Variants in TJP2 observed in about 807,000 individuals in gnomAD.
TJP2 encodes Friedreich ataxia region gene X104 (tight junction protein ZO-2).
A neutral mutation model predicts 133.1 loss-of-function variants in TJP2; 91 were observed. The ratio of observed to expected loss-of-function variants is 0.68; its 90% CI spans 0.58 to 0.81. TJP2 has a LOEUF of 0.81. TJP2 is among the 40% of genes least tolerant of loss of function. The pLI is 0.00. For synonymous variants in TJP2, 592 were observed against 583.4 expected, an observed-to-expected ratio of 1.01 and a Z score of -0.21; for missense variants, 1,541 against 1,565.6, an observed-to-expected ratio of 0.98 and a Z score of 0.26.
intron 1 of TJP2, among the ~76,000 whole-genome samples, chr9:69,177,273 T>C (rs1218466575): frequency 1.3e-5 from 2 of 152,160 alleles, no homozygotes; most frequent in African/African-American, 2.4e-5. Flanking sequence ...CAGATGGGAG[T>C]GGAGGGAAGC....
At chr9:69,140,789 T>C (rs11145422) in intron 1 of TJP2, among the ~76,000 whole-genome samples, 26,965 of 152,184 alleles carry the variant, frequency 0.18, 2,478 homozygotes, top group Middle Eastern at 0.23. Flanking sequence ...GTAGGATCAA[T>C]TTCTACCAAC....
intron 9 of TJP2, among the ~76,000 whole-genome samples, chr9:69,228,332 A>C (rs1443374458): frequency 6.6e-6 from 1 of 152,230 alleles, no homozygotes; most frequent in Non-Finnish European, 1.5e-5. Flanking sequence ...TAGAGGTGGC[A>C]GTAACAGAAA....
chr9:69,213,911 T>C (rs1418799385), intron 2 of TJP2, among the ~76,000 whole-genome samples: 1 of 152,176 alleles, frequency 6.6e-6, no homozygotes, highest in African/African-American at 2.4e-5. Context: ...ACCCCCAACC[T>C]GTTTTGAGTT....
At position 69,251,111 on chromosome 9, in the gene TJP2, C is replaced by G. The variant is rs199767035; in HGVS notation, c.3068C>G (p.Ala1023Gly). 1.2e-6 allele frequency: 2 copies of G among 1,614,040 alleles called. No homozygotes were observed. Among genetic ancestry groups the G allele is most frequent in the East Asian group, 2.2e-5 (1 of 44,894 alleles). Residue 1023 changes from alanine (A) to glycine (G), a missense_variant, in exon 21 of 23, where the codon GCT (alanine) becomes GGT (glycine). Coordinates refer to ENST00000377245, the MANE Select transcript of TJP2 (RefSeq NM_004817.4). ...TATAAGTCAAACCCCTCTGCCGTTG[C>G]TGGTAATGAAACTCCTGGGGCATCT... ...YEYKSNPSAV[A>G]GNETPGASTK...
chr9:69,251,220 A>C lies in TJP2; in HGVS notation c.3177A>C (p.Gln1059His). Residue 1059 changes from glutamine (Q) to histidine (H), a missense_variant, in exon 21 of 23, where the codon CAA (glutamine) becomes CAC (histidine). By Grantham distance (24) the Gln-to-His change is conservative (BLOSUM62 0). Transcript: ENST00000377245. ...AGCCCTCCACTCCCATCCCTCCTCA[A>C]GAGGGTGAGGAGGTGGGAGAGAGCA... ...ILKPSTPIPP[Q>H]EGEEVGESSE... is the part of the protein sequence containing the mutation. 3.7e-6 allele frequency: 6 copies of C among 1,614,064 alleles called. No homozygotes were observed. Among genetic ancestry groups the C allele is most frequent in the Non-Finnish European group, 5.1e-6 (6 of 1,180,000 alleles).
chr9:69,207,796 C>T (rs1827552716), intron 1 of TJP2, among the ~76,000 whole-genome samples: 1 of 152,238 alleles, frequency 6.6e-6, no homozygotes, highest in South Asian at 2.1e-4. Flanking sequence ...AGGACCACAG[C>T]TCTCAGCTAA....
At chr9:69,160,750 C>T (rs191618877) in intron 2 of TJP2, among the ~76,000 whole-genome samples, 32 of 152,112 alleles carry the variant, frequency 2.1e-4, no homozygotes, top group African/African-American at 7.3e-4. Flanking sequence ...GGAGGCCTCA[C>T]AATCATGGCA....
chr9:69,216,510 G>A, intron 3 of TJP2, 47 bp downstream of exon 3: 1 of 1,607,330 alleles, frequency 6.2e-7, no homozygotes, highest in Non-Finnish European at 8.5e-7. Context: ...CCTACTGGTT[G>A]GCCCTAGACG....
chr9:69,247,684 AGT>A (rs1416122257), intron 18 of TJP2, among the ~76,000 whole-genome samples: 3 of 152,010 alleles, frequency 2.0e-5, no homozygotes, highest in African/African-American at 4.8e-5. Flanking sequence ...TTACTAGGAG[AGT>A]GGTACCAGGA....
rs897787162 is a variant in TJP2, at chr9:69,230,147, A to G, written c.1586A>G (p.Asn529Ser). 13 of 1,614,168 alleles carry G rather than the reference A, an allele frequency of 8.1e-6. No homozygotes were observed. Among genetic ancestry groups the G allele is most frequent in the East Asian group, 4.5e-5 (2 of 44,884 alleles). ...DSVGLRLAGG[N>S]DVGIFVAGIQ... is the part of the protein sequence containing the mutation. ...GTGGGCCTCCGGTTGGCTGGTGGCA[A>G]TGATGTCGGGATATTTGTTGCTGGC... Residue 529 changes from asparagine to serine, a missense_variant, in exon 11 of 23, where the codon AAT (asparagine) becomes AGT (serine). Physicochemically the swap from Asn to Ser is conservative, Grantham distance 46. Coordinates refer to ENST00000377245, the MANE Select transcript of TJP2 (RefSeq NM_004817.4).
At position 69,126,855 on chromosome 9, in the gene TJP2, T is replaced by C. The variant is rs1308167490; in HGVS notation, c.-131+5130T>C. Among the ~76,000 whole-genome samples, 11 of 77,596 alleles carry C rather than the reference T, an allele frequency of 1.4e-4. 5 individuals are homozygous for C. The allele number at this position is 77,596 out of a possible 152,430, so 50.9% of individuals were successfully genotyped here. ...TTACATTGAGATATAATTCACATAC[T>C]ATACAATTCACTTATTTAGTCTACA... is the stretch of plus-strand genomic sequence containing the variant. On this transcript the variant is annotated intron_variant, in intron 1 of 5. Transcript: ENST00000423935.
chr9:69,248,105 G>A lies in TJP2; in HGVS notation c.2761G>A (p.Asp921Asn), dbSNP rs780056811. ...YLSCDSRLIS[D>N]FEDTDGEGGA... ...GAGTTGCGACAGCCGCCTCATCAGTGACTTTGAAGACACGGACGGTGAAGG... is the reference window on the plus strand; with the variant it reads ...GAGTTGCGACAGCCGCCTCATCAGTAACTTTGAAGACACGGACGGTGAAGG... Residue 921 changes from aspartate to asparagine, a missense_variant, in exon 19 of 23, where the codon GAC (aspartate) becomes AAC (asparagine). Asp to Asn is a conservative substitution (Grantham distance 23). Coordinates refer to ENST00000377245, the MANE Select transcript of TJP2 (RefSeq NM_004817.4). 6.2e-7 allele frequency: 1 copy of A among 1,614,220 alleles called. No individual in the cohort carries two copies. The highest frequency in any genetic ancestry group is 8.5e-7 in the Non-Finnish European group (1 of 1,180,038).
intron 4 of TJP2, 124 bp downstream of exon 4, chr9:69,218,483 T>C: frequency 1.3e-6 from 1 of 752,068 alleles, no homozygotes; most frequent in Non-Finnish European, 2.4e-6. Flanking sequence ...TGTTCTTGGA[T>C]CCTCAGTACT....
intron 1 of TJP2, chr9:69,205,110 G>A (rs774890364): frequency 6.5e-7 from 1 of 1,535,222 alleles, no homozygotes; most frequent in Admixed American, 2.0e-5. Flanking sequence ...ATGGAAATGG[G>A]TGAGCAGCCC....
Position 69,249,453 on chromosome 9 carries a change from C to A in TJP2, c.2959C>A (p.Pro987Thr), listed in dbSNP as rs1831170101. 10 of 1,609,798 alleles carry A rather than the reference C, an allele frequency of 6.2e-6. No homozygotes were observed. Among genetic ancestry groups the A allele is most frequent in the Non-Finnish European group, 8.5e-6 (10 of 1,177,848 alleles). The change falls in exon 20 of 23, where the codon CCG becomes ACG. Residue 987 changes from proline (P) to threonine (T), a missense_variant. Physicochemically the swap from Pro to Thr is conservative, Grantham distance 38. Coordinates refer to ENST00000377245, the MANE Select transcript of TJP2 (RefSeq NM_004817.4). The part of the protein sequence containing the change: ...ASSDQLRDNS[P>T]PPAFKPEPPK... ...CAGCGATCAACTTAGGGACAATAGC[C>A]CGCCCCCAGCATTCAAGCCAGAGCC...
chr9:69,171,168 C>T (rs1463309032), upstream of TJP2, among the ~76,000 whole-genome samples: 1 of 152,188 alleles, frequency 6.6e-6, no homozygotes, highest in Non-Finnish European at 1.5e-5. Flanking sequence ...TTAAGTAAGC[C>T]AGAAACCTGA....
intron 1 of TJP2, among the ~76,000 whole-genome samples, chr9:69,193,154 G>A (rs1344425661): frequency 1.3e-5 from 2 of 152,034 alleles, no homozygotes; most frequent in African/African-American, 2.4e-5. Context: ...GAGCTCAGAC[G>A]ATTCACCCAC....
rs761272308 is a variant in TJP2, at chr9:69,254,323, C to G, written c.3522C>G (p.Ser1174=). The G allele has an allele frequency of 8.7e-6, 14 of 1,614,120 alleles. No individual in the cohort carries two copies. In the Admixed American group the frequency reaches 2.3e-4, roughly 27 times the overall value. ...EEYRQQLSEH[S]KRGYYGQSAR... ...ACCGCCAGCAGCTGTCAGAACACTC[C>G]AAGCGCGGTTACTATGGCCAGTCTG... The change falls in exon 23 of 23, where the codon TCC becomes TCG. Residue 1174 remains serine (S), a synonymous_variant. Coordinates refer to ENST00000377245, the MANE Select transcript of TJP2 (RefSeq NM_004817.4).
chr9:69,204,907 G>A, intron 1 of TJP2: 1 of 1,237,100 alleles, frequency 8.1e-7, no homozygotes, highest in Non-Finnish European at 1.0e-6. Context: ...TCCCTGGCAA[G>A]GGAGAGAGAG....
Sources: gnomAD v4.1 joint callset for allele counts (sites outside exome capture counted in the v4.1 genomes callset) on GRCh38, gnomAD v4.1.1 for gene constraint, MANE v1.5 for transcripts, NCBI Gene and HGNC (gene_info 2026-07-23, HGNC 2026-07-21) for gene names.